Variants in KIAA0825 observed in about 807,000 individuals in gnomAD.
KIAA0825 encodes KIAA0825, also known as uncharacterized protein KIAA0825.
A neutral mutation model predicts 147.6 loss-of-function variants in KIAA0825; 119 were observed. The ratio of observed to expected loss-of-function variants is 0.81; its 90% confidence interval spans 0.69 to 0.94. KIAA0825 has a LOEUF of 0.94. Among genes scored for constraint, KIAA0825 ranks in the 40% least tolerant of loss-of-function variants. The probability of loss-of-function intolerance (pLI) is 0.00; values close to 1 mark genes in which losing one functional copy is unlikely to be tolerated. For missense variants in KIAA0825, 1,381 were observed against 1,472.7 expected (o/e 0.94, Z 1.02); for synonymous variants, 470 against 518.1 (o/e 0.91, Z 1.26).
chr5:94,503,190 T>G (rs1420918192), intron 5 of KIAA0825, among the ~76,000 whole-genome samples: 1 of 151,812 alleles, frequency 6.6e-6, no homozygotes, highest in African/African-American at 2.4e-5. Context: ...AATTTTCAGT[T>G]TTTCTCTTTC....
At chr5:94,489,810 C>T (rs1337184829) in intron 5 of KIAA0825, among the ~76,000 whole-genome samples, 2 of 148,866 alleles carry the variant, frequency 1.3e-5, no homozygotes, top group South Asian at 2.1e-4. Context: ...CACTTGAAAC[C>T]GGGAGGCAGA....
chr5:94,325,831 G>A (rs1252811370), intron 20 of KIAA0825, among the ~76,000 whole-genome samples: 2 of 151,824 alleles, frequency 1.3e-5, no homozygotes, highest in Non-Finnish European at 2.9e-5. Flanking sequence ...AAATTACGGA[G>A]GGAGTTGCTG....
At chr5:94,532,089 G>A (rs1273909989) in intron 3 of KIAA0825, among the ~76,000 whole-genome samples, 1 of 152,118 alleles carries the variant, frequency 6.6e-6, no homozygotes, top group African/African-American at 2.4e-5. Context: ...TAATAGGCAT[G>A]GTTAAATGTC....
chr5:94,539,491 C>T (rs1363137639), intron 2 of KIAA0825, among the ~76,000 whole-genome samples: 1 of 152,118 alleles, frequency 6.6e-6, no homozygotes, highest in East Asian at 1.9e-4. Flanking sequence ...AGGAAACCCC[C>T]AACCCAAAGG....
At chr5:94,267,830 A>G (rs1776802524) in intron 20 of KIAA0825, among the ~76,000 whole-genome samples, 1 of 151,960 alleles carries the variant, frequency 6.6e-6, no homozygotes. Context: ...TAGCATGCCT[A>G]TAGCTTTGAT....
intron 20 of KIAA0825, among the ~76,000 whole-genome samples, chr5:94,260,086 A>C (rs886685958): frequency 6.6e-6 from 1 of 152,138 alleles, no homozygotes; most frequent in African/African-American, 2.4e-5. Flanking sequence ...AAGTGCATTG[A>C]AATTCATCTT....
In KIAA0825 at chr5:94,187,334, G is replaced by A. The variant is rs1770211501; in HGVS notation, c.3711-33210C>T. Among the ~76,000 whole-genome samples the A allele has an allele frequency of 3.4e-5, 5 of 147,662 alleles. No homozygotes were observed. The South Asian group carries it at 1.1e-3, about 32-fold the overall frequency. ...AACTGTTGTGAAATTAGGGATGGTG[G>A]AAGCAGGAGTTCATTGGAGGGAAGG... is the stretch of plus-strand genomic sequence containing the variant. On this transcript the variant is annotated intron_variant, in intron 20 of 20. Coordinates refer to ENST00000682413, the MANE Select transcript of KIAA0825 (RefSeq NM_001145678.3).
At chr5:94,400,996 C>G (rs578175415) in intron 16 of KIAA0825, among the ~76,000 whole-genome samples, 1 of 151,588 alleles carries the variant, frequency 6.6e-6, no homozygotes, top group Non-Finnish European at 1.5e-5. Flanking sequence ...TTTTTAAAGA[C>G]CTTTAAACAT....
intron 10 of KIAA0825, among the ~76,000 whole-genome samples, chr5:94,468,508 CCTT>C (rs938646846): frequency 6.6e-6 from 1 of 152,190 alleles, no homozygotes; most frequent in Admixed American, 6.5e-5. Context: ...ACCACTTTCT[CCTT>C]CTCATTCTGT....
At chr5:94,297,797 T>C (rs1019018055) in intron 20 of KIAA0825, among the ~76,000 whole-genome samples, 1 of 151,860 alleles carries the variant, frequency 6.6e-6, no homozygotes, top group African/African-American at 2.4e-5. Context: ...GGTTTCACTA[T>C]GTTGGCCAGG....
intron 20 of KIAA0825, among the ~76,000 whole-genome samples, chr5:94,339,713 G>A (rs1782171856): frequency 6.6e-6 from 1 of 152,090 alleles, no homozygotes; most frequent in Non-Finnish European, 1.5e-5. Flanking sequence ...CATCAACTCA[G>A]TCAGTTTGGC....
At chr5:94,518,386 T>G (rs1037606506) in intron 5 of KIAA0825, among the ~76,000 whole-genome samples, 15 of 152,298 alleles carry the variant, frequency 9.8e-5, no homozygotes, top group South Asian at 8.3e-4. Context: ...AGGTGGTCAA[T>G]AAAGCTGAAC....
At position 94,554,716 on chromosome 5, in the gene KIAA0825, C is replaced by CTA. The variant is rs70978114; in HGVS notation, c.-1-17591_-1-17590dup. Among the ~76,000 whole-genome samples the CTA allele has an allele frequency of 6.4e-3, 428 of 66,984 alleles. 2 individuals are homozygous for CTA. The highest frequency in any genetic ancestry group is 7.7e-3 in the Non-Finnish European group (251 of 32,810). The allele number at this position is 66,984 out of a possible 152,430, so 43.9% of individuals were successfully genotyped here. On this transcript the variant is annotated intron_variant, in intron 2 of 20. Coordinates refer to ENST00000682413, the MANE Select transcript of KIAA0825 (RefSeq NM_001145678.3). ...TATGAGCCAGGCATTGTTCTGTGTACTATATATATATATATATATATATAT... is the reference window on the plus strand; with the variant it reads ...TATGAGCCAGGCATTGTTCTGTGTACTATATATATATATATATATATATATAT...
intron 5 of KIAA0825, among the ~76,000 whole-genome samples, chr5:94,498,945 A>G (rs1297384454): frequency 6.6e-6 from 1 of 151,984 alleles, no homozygotes; most frequent in African/African-American, 2.4e-5. Context: ...TACAATAATC[A>G]CTTGGTAATT....
intron 6 of KIAA0825, among the ~76,000 whole-genome samples, chr5:94,478,348 C>T (rs1762129018): frequency 6.6e-6 from 1 of 152,012 alleles, no homozygotes; most frequent in Non-Finnish European, 1.5e-5. Flanking sequence ...TCTAGTATTT[C>T]TTAATCATCT....
intron 20 of KIAA0825, among the ~76,000 whole-genome samples, chr5:94,326,850 T>C (rs1780745179): frequency 6.6e-6 from 1 of 152,242 alleles, no homozygotes; most frequent in African/African-American, 2.4e-5. Flanking sequence ...AAAAGCACTC[T>C]GGCCTGTAAA....
intron 20 of KIAA0825, among the ~76,000 whole-genome samples, chr5:94,156,492 C>CGT (rs1170825879): frequency 6.6e-6 from 1 of 152,104 alleles, no homozygotes; most frequent in Non-Finnish European, 1.5e-5. Flanking sequence ...GAATAAAGTA[C>CGT]GTGATATGCA....
chr5:94,187,402 GTTTT>G (rs34689731), intron 20 of KIAA0825, among the ~76,000 whole-genome samples: 1 of 105,680 alleles, frequency 9.5e-6, no homozygotes, highest in Non-Finnish European at 1.8e-5. Context: ...AGAGAAAGGA[GTTTT>G]TTTTTTTTTT....
chr5:94,487,759 C>T (rs1383994038), intron 5 of KIAA0825, among the ~76,000 whole-genome samples: 1 of 152,092 alleles, frequency 6.6e-6, no homozygotes, highest in Non-Finnish European at 1.5e-5. Context: ...ATGGCAAACC[C>T]CATCTCTACA....
Sources: gnomAD v4.1 joint callset for allele counts (sites outside exome capture counted in the v4.1 genomes callset) on GRCh38, gnomAD v4.1.1 for gene constraint, MANE v1.5 for transcripts, NCBI Gene and HGNC (gene_info 2026-07-23, HGNC 2026-07-21) for gene names.